CDH19: variants seen among roughly 807,000 people sequenced by gnomAD.
CDH19 encodes cadherin 19, also known as cadherin-19.
A neutral mutation model predicts 64.2 loss-of-function variants in CDH19; 67 were observed. The ratio of observed to expected loss-of-function variants is 1.04; its 90% CI spans 0.86 to 1.28. The LOEUF is 1.28. Among genes scored for constraint, CDH19 ranks in the 50% most tolerant of loss-of-function variants. CDH19 has a pLI of 0.00. For synonymous variants in CDH19, 346 were observed against 319.3 expected, an observed-to-expected ratio of 1.08 and a Z score of -0.89; for missense variants, 1,030 against 929.0, an observed-to-expected ratio of 1.11 and a Z score of -1.41.
intron 9 of CDH19, among the ~76,000 whole-genome samples, chr18:66,513,661 T>C (rs1411746434): frequency 6.6e-6 from 1 of 151,490 alleles, no homozygotes; most frequent in Non-Finnish European, 1.5e-5. Context: ...GAAAAACTTC[T>C]ATATGTTGTA....
Position 66,504,875 on chromosome 18 carries a change from C to A in CDH19, c.2256G>T (p.Glu752Asp), listed in dbSNP as rs746768331. The A allele has an allele frequency of 6.2e-7, 1 of 1,612,496 alleles. No homozygotes were observed. The highest frequency in any genetic ancestry group is 1.7e-5 in the Admixed American group (1 of 59,830). Residue 752 changes from glutamate (E) to aspartate (D), a missense_variant, in exon 12 of 12, where the codon GAG (glutamate) becomes GAT (aspartate). Physicochemically the swap from Glu to Asp is conservative, Grantham distance 45. Transcript: ENST00000262150. The part of the protein sequence containing the change: ...DQDESYDYLN[E>D]LGPRFKRLAC... ...CTAATCTTTTAAAGCGAGGTCCCAA[C>A]TCATTAAGGTAATCATAGCTTTCAT...
rs541431417 is a variant in CDH19, at chr18:66,501,976, T to A, written c.*2836A>T. On this transcript the variant is annotated 3_prime_UTR_variant, in exon 12 of 12. Transcript: ENST00000262150. The stretch of plus-strand genomic sequence containing the variant: ...TGAAGCTTACATACAAAGCTGTGAG[T>A]CAACTAAGGGAGATATTTAAGTACT... 1.3e-5 allele frequency: 2 copies of A among 152,178 alleles called. No homozygotes were observed. The highest frequency in any genetic ancestry group is 3.9e-4 in the East Asian group (2 of 5,164). The allele number at this position is 152,178 out of a possible 1,614,324, so 9.4% of individuals were successfully genotyped here. A position where few individuals can be genotyped will look rare whatever the true frequency, so the allele number is the denominator to read the frequency against.
intron 9 of CDH19, among the ~76,000 whole-genome samples, chr18:66,516,587 TCTC>T (rs1158929885): frequency 3.3e-5 from 5 of 151,964 alleles, no homozygotes; most frequent in Admixed American, 6.6e-5. Context: ...GGCTATATAT[TCTC>T]CTCGCTACTC....
chr18:66,505,371 C>A (rs1254550734), intron 11 of CDH19, 69 bp from the exon 12 acceptor site: 3 of 1,219,316 alleles, frequency 2.5e-6, no homozygotes, highest in Non-Finnish European at 2.2e-6. Context: ...AGTCTTTGCT[C>A]TCATTTCAAG....
chr18:66,582,639 CAAAAAAAAAAAAA>C lies in CDH19; in HGVS notation c.-112-10336_-112-10324del, dbSNP rs11410904. ...ATATAATTTGCATACTTACTGTCAC[CAAAAAAAAAAAAA>C]AAAAAAAAAAGCCCTCTGGGACAGC... On this transcript the variant is annotated intron_variant, in intron 1 of 11. Transcript: ENST00000262150. Among the ~76,000 whole-genome samples, 10 of 72,896 alleles carry C rather than the reference CAAAAAAAAAAAAA, an allele frequency of 1.4e-4. 1 individual carries two copies. The Admixed American group carries it at 1.6e-3, about 12-fold the overall frequency. 47.8% of individuals were successfully genotyped at this position (72,896 alleles called of 152,430 possible). A position where few individuals can be genotyped will look rare whatever the true frequency, so the allele number is the denominator to read the frequency against.
At chr18:66,569,885 T>C (rs1988045914) in intron 2 of CDH19, among the ~76,000 whole-genome samples, 1 of 151,702 alleles carries the variant, frequency 6.6e-6, no homozygotes, top group African/African-American at 2.4e-5. Flanking sequence ...GCTTAAGTTA[T>C]AATTTCTTAT....
chr18:66,587,909 T>C (rs1988623986), intron 1 of CDH19, among the ~76,000 whole-genome samples: 1 of 152,194 alleles, frequency 6.6e-6, no homozygotes, highest in Non-Finnish European at 1.5e-5. Flanking sequence ...CTTAGTAATT[T>C]GTCTCATAAT....
At chr18:66,543,430 T>C (rs994726466) in intron 7 of CDH19, among the ~76,000 whole-genome samples, 2 of 152,176 alleles carry the variant, frequency 1.3e-5, no homozygotes, top group Non-Finnish European at 2.9e-5. Flanking sequence ...AGAGGGAATA[T>C]AATGCACTGA....
intron 9 of CDH19, among the ~76,000 whole-genome samples, chr18:66,514,035 C>T (rs1299458778): frequency 6.6e-6 from 1 of 151,354 alleles, no homozygotes; most frequent in Non-Finnish European, 1.5e-5. Context: ...CTGTTCTATA[C>T]ATTATCTTAG....
intron 9 of CDH19, among the ~76,000 whole-genome samples, chr18:66,520,346 T>G (rs1444173887): frequency 1.3e-5 from 2 of 151,246 alleles, no homozygotes; most frequent in Admixed American, 6.6e-5. Context: ...TAGCTGTTTT[T>G]TTTTTTTTTT....
chr18:66,568,382 T>A, intron 3 of CDH19, 34 bp downstream of exon 3: 1 of 1,516,564 alleles, frequency 6.6e-7, no homozygotes, highest in Non-Finnish European at 9.0e-7. Context: ...GCTTCATTGT[T>A]AATATATCTT....
intron 1 of CDH19, among the ~76,000 whole-genome samples, chr18:66,576,241 T>C (rs1370583606): frequency 6.6e-6 from 1 of 151,434 alleles, no homozygotes; most frequent in African/African-American, 2.4e-5. Flanking sequence ...AATCAAAGTA[T>C]GAGATGAGGA....
At chr18:66,569,159 T>G (rs898672090) in intron 2 of CDH19, among the ~76,000 whole-genome samples, 8 of 151,610 alleles carry the variant, frequency 5.3e-5, no homozygotes, top group Admixed American at 3.3e-4. Flanking sequence ...CAAGAAAATA[T>G]TAGGATGAAA....
intron 4 of CDH19, 21 bp downstream of exon 4, chr18:66,554,379 ACTTTG>A (rs1217310366): frequency 6.2e-7 from 1 of 1,608,400 alleles, no homozygotes; most frequent in Admixed American, 1.7e-5. Flanking sequence ...ATCATGTTAA[ACTTTG>A]CTTGTTTCAT....
intron 9 of CDH19, among the ~76,000 whole-genome samples, chr18:66,522,446 C>A: frequency 6.6e-6 from 1 of 151,814 alleles, no homozygotes; most frequent in East Asian, 1.9e-4. Flanking sequence ...GACGGGGGTG[C>A]GCCATGTTGG....
chr18:66,603,058 T>C (rs571027119), intron 1 of CDH19, among the ~76,000 whole-genome samples: 93 of 151,136 alleles, frequency 6.2e-4, no homozygotes, highest in Non-Finnish European at 9.6e-4. Flanking sequence ...CTTACAGATA[T>C]ATTAATTCAA....
At chr18:66,563,984 T>C (rs1987814981) in intron 3 of CDH19, among the ~76,000 whole-genome samples, 1 of 151,872 alleles carries the variant, frequency 6.6e-6, no homozygotes, top group Admixed American at 6.6e-5. Context: ...GAAGAGAAAT[T>C]CATCCCAGTC....
chr18:66,555,092 C>A (rs1987468914), intron 3 of CDH19, among the ~76,000 whole-genome samples: 1 of 151,748 alleles, frequency 6.6e-6, no homozygotes, highest in Admixed American at 6.6e-5. Context: ...TAAAATCTTG[C>A]AGATATTGAT....
chr18:66,535,149 C>T, intron 7 of CDH19, 42 bp from the exon 8 acceptor site: 1 of 1,275,500 alleles, frequency 7.8e-7, no homozygotes, highest in Non-Finnish European at 1.1e-6. Flanking sequence ...TTTATTCTAT[C>T]TGCATAACAG....
Sources: gnomAD v4.1 joint callset for allele counts (sites outside exome capture counted in the v4.1 genomes callset) on GRCh38, gnomAD v4.1.1 for gene constraint, MANE v1.5 for transcripts, NCBI Gene and HGNC (gene_info 2026-07-23, HGNC 2026-07-21) for gene names.